Variants in SH3BGRL2 observed in about 807,000 individuals in gnomAD.
SH3BGRL2 encodes SH3 domain binding glutamate rich protein like 2.
A neutral mutation model predicts 14.8 loss-of-function variants in SH3BGRL2; 21 were observed. That is an observed-to-expected ratio of 1.42 (90% CI 1.01 to 2.05). The LOEUF is 2.05. Among genes scored for constraint, SH3BGRL2 ranks in the 30% most tolerant of loss-of-function variants. SH3BGRL2 has a pLI of 0.00. For missense variants in SH3BGRL2, 147 were observed against 130.8 expected, an observed-to-expected ratio of 1.12 and a Z score of -0.61; for synonymous variants, 50 against 47.8, an observed-to-expected ratio of 1.05 and a Z score of -0.19.
chr6:79,611,809 A>G, the SH3BGRL2 span, among the ~76,000 whole-genome samples: 774 of 152,322 alleles, frequency 5.1e-3, 9 homozygotes, highest in African/African-American at 0.018. Context: ...GCCATTTACT[A>G]GCTGCGTTAC....
chr6:79,587,241 A>G, the SH3BGRL2 span, among the ~76,000 whole-genome samples: 1 of 152,200 alleles, frequency 6.6e-6, no homozygotes, highest in South Asian at 2.1e-4. Flanking sequence ...TTTTAGTATA[A>G]AAGGAGTTAT....
chr6:79,542,572 A>G, the SH3BGRL2 span, among the ~76,000 whole-genome samples: 3 of 152,128 alleles, frequency 2.0e-5, no homozygotes, highest in Non-Finnish European at 2.9e-5. Flanking sequence ...CCTGGCCTCT[A>G]TATTCTACTT....
the SH3BGRL2 span, among the ~76,000 whole-genome samples, chr6:79,579,117 G>T: frequency 1.3e-5 from 2 of 151,734 alleles, no homozygotes; most frequent in African/African-American, 4.8e-5. Flanking sequence ...AGAGTAAAAA[G>T]AAACAAAGCC....
At chr6:79,623,907 T>C in the SH3BGRL2 span, among the ~76,000 whole-genome samples, 3 of 152,230 alleles carry the variant, frequency 2.0e-5, no homozygotes, top group African/African-American at 7.2e-5. Flanking sequence ...TGTATCTATA[T>C]GTAAACATTT....
At chr6:79,695,689 C>G (rs943444554) in intron 2 of SH3BGRL2, among the ~76,000 whole-genome samples, 1 of 152,198 alleles carries the variant, frequency 6.6e-6, no homozygotes, top group African/African-American at 2.4e-5. Context: ...GATTTAATAA[C>G]ATAACATTTA....
Position 79,653,846 on chromosome 6 carries a change from A to G in SH3BGRL2, c.46-19768A>G, listed in dbSNP as rs9294154. 6.6e-3 allele frequency among the ~76,000 whole-genome samples: 1,001 copies of G among 152,304 alleles called. 12 individuals carry two copies. Among genetic ancestry groups the G allele is most frequent in the African/African-American group, 0.022 (934 of 41,556 alleles). ...GTTGGCCAGGGTGACTGAGCCATGT[A>G]TGTTGCATTGTCCCGCTGGCTAGCT... On this transcript the variant is annotated intron_variant, in intron 1 of 3. Transcript: ENST00000369838.
the SH3BGRL2 span, among the ~76,000 whole-genome samples, chr6:79,591,687 G>A: frequency 2.4e-4 from 36 of 152,290 alleles, no homozygotes; most frequent in Admixed American, 1.4e-3. Flanking sequence ...ATTAACAGGC[G>A]TGAGCCACTG....
At chr6:79,646,647 C>T (rs763827620) in intron 1 of SH3BGRL2, among the ~76,000 whole-genome samples, 5 of 152,104 alleles carry the variant, frequency 3.3e-5, no homozygotes, top group Non-Finnish European at 5.9e-5. Flanking sequence ...TAATCTAATT[C>T]CAGAATATTT....
chr6:79,617,548 T>C, the SH3BGRL2 span, among the ~76,000 whole-genome samples: 7 of 152,034 alleles, frequency 4.6e-5, no homozygotes, highest in Non-Finnish European at 8.8e-5. Flanking sequence ...GTTTTACCTG[T>C]TGTGTTTGGT....
At chr6:79,620,545 T>C in the SH3BGRL2 span, among the ~76,000 whole-genome samples, 1 of 151,728 alleles carries the variant, frequency 6.6e-6, no homozygotes, top group South Asian at 2.1e-4. Flanking sequence ...GAGAGTCCTG[T>C]GTGAGGGTTG....
intron 1 of SH3BGRL2, among the ~76,000 whole-genome samples, chr6:79,660,439 G>A (rs1168840535): frequency 3.5e-5 from 5 of 142,150 alleles, no homozygotes; most frequent in Admixed American, 7.2e-5. Flanking sequence ...GATGGATTAC[G>A]TTTATTGATT....
chr6:79,615,630 T>G, the SH3BGRL2 span, among the ~76,000 whole-genome samples: 1 of 152,220 alleles, frequency 6.6e-6, no homozygotes, highest in African/African-American at 2.4e-5. Context: ...AGCGTACTAC[T>G]TGATAGGTAT....
chr6:79,668,000 C>G (rs1769695190), intron 1 of SH3BGRL2, among the ~76,000 whole-genome samples: 1 of 148,764 alleles, frequency 6.7e-6, no homozygotes, highest in Admixed American at 6.7e-5. Flanking sequence ...TAAAAAAACT[C>G]TTATTCAAAT....
chr6:79,642,465 A>T (rs1769051712), intron 1 of SH3BGRL2, among the ~76,000 whole-genome samples: 1 of 152,064 alleles, frequency 6.6e-6, no homozygotes, highest in Non-Finnish European at 1.5e-5. Context: ...TAATGTATAG[A>T]TTTCATCCCA....
At chr6:79,620,955 G>T in the SH3BGRL2 span, among the ~76,000 whole-genome samples, 2 of 151,904 alleles carry the variant, frequency 1.3e-5, no homozygotes, top group African/African-American at 4.8e-5. Flanking sequence ...TAGAGTTGGG[G>T]TTTCGCTATG....
At chr6:79,672,971 A>G (rs990946789) in intron 1 of SH3BGRL2, among the ~76,000 whole-genome samples, 10 of 152,212 alleles carry the variant, frequency 6.6e-5, no homozygotes, top group African/African-American at 2.4e-4. Context: ...GGATGCTTTC[A>G]TGGTAGTGGC....
At chr6:79,566,863 C>CTGT in the SH3BGRL2 span, among the ~76,000 whole-genome samples, 1 of 146,722 alleles carries the variant, frequency 6.8e-6, no homozygotes, top group Non-Finnish European at 1.5e-5. Context: ...TGCCACTGCA[C>CTGT]TGTAGCCTGG....
the SH3BGRL2 span, chr6:79,575,073 A>G: frequency 6.6e-6 from 1 of 152,230 alleles, no homozygotes; most frequent in African/African-American, 2.4e-5. Context: ...GATTGATCTA[A>G]GCAGTCAAGG....
intron 1 of SH3BGRL2, among the ~76,000 whole-genome samples, chr6:79,662,474 C>T (rs1345722451): frequency 6.6e-6 from 1 of 152,140 alleles, no homozygotes; most frequent in East Asian, 1.9e-4. Context: ...ACTATTGGCC[C>T]CCACTCTCAT....
Sources: allele counts gnomAD v4.1 joint callset (sites outside exome capture counted in the v4.1 genomes callset), GRCh38; gene constraint gnomAD v4.1.1; transcripts MANE v1.5; gene names NCBI Gene and HGNC (gene_info 2026-07-23, HGNC 2026-07-21).